MS4A3: variants seen among roughly 807,000 people sequenced by gnomAD.
The protein encoded by MS4A3 is membrane spanning 4-domains A3, also known as membrane-spanning 4-domains subfamily A member 3.
Under a neutral mutation model 24.7 loss-of-function variants are expected in MS4A3, and 18 were observed. That is an observed-to-expected ratio of 0.73 (90% CI 0.50 to 1.08). The LOEUF (loss-of-function observed/expected upper bound fraction) is 1.08. MS4A3 is among the 50% of genes least tolerant of loss of function. The pLI is 0.00. For missense variants in MS4A3, 282 were observed against 251.7 expected (o/e 1.12, Z -0.82); for synonymous variants, 84 against 95.3 (o/e 0.88, Z 0.69).
rs768045489 is a variant in MS4A3, at chr11:60,064,312, A to T, written c.345A>T (p.Arg115Ser). 1.2e-6 allele frequency: 2 copies of T among 1,601,586 alleles called. No individual in the cohort carries two copies. Residue 115 changes from arginine (R) to serine (S), a missense_variant, in exon 4 of 7, where the codon AGA (arginine) becomes AGT (serine). Coordinates refer to ENST00000278865, the MANE Select transcript of MS4A3 (RefSeq NM_006138.5). ...TTGTAGCAGGGATAAAACCCACAAG[A>T]ACATGGGTAAGTAGCACTTCCTCTT... ...LSVVAGIKPT[R>S]TWIQNSFGMN...
intron 5 of MS4A3, among the ~76,000 whole-genome samples, chr11:60,067,333 C>G (rs1249526820): frequency 6.6e-6 from 1 of 151,800 alleles, no homozygotes; most frequent in Non-Finnish European, 1.5e-5. Context: ...CCTGCCTCAG[C>G]CTCCCGAGTA....
chr11:60,070,168 C>T, intron 6 of MS4A3, 36 bp from the exon 7 acceptor site: 9 of 1,562,682 alleles, frequency 5.8e-6, no homozygotes, highest in Non-Finnish European at 7.9e-6. Flanking sequence ...AGATAATGAT[C>T]CTGTTCTTGG....
At chr11:60,067,472 C>T (rs1463317559) in intron 5 of MS4A3, among the ~76,000 whole-genome samples, 2 of 151,984 alleles carry the variant, frequency 1.3e-5, no homozygotes, top group Non-Finnish European at 2.9e-5. Context: ...GCCTCGGCCT[C>T]CCAAAGTGCT....
chr11:60,067,553 T>C (rs1002856067), intron 5 of MS4A3, among the ~76,000 whole-genome samples: 1 of 152,152 alleles, frequency 6.6e-6, no homozygotes, highest in Non-Finnish European at 1.5e-5. Context: ...ATTTGCTTTA[T>C]AATGAAGGGC....
chr11:60,060,479 T>A (rs968295346), intron 1 of MS4A3, among the ~76,000 whole-genome samples: 2 of 152,144 alleles, frequency 1.3e-5, no homozygotes, highest in African/African-American at 4.8e-5. Context: ...AACTCTACCA[T>A]GCTATGTTGG....
Position 60,069,559 on chromosome 11 carries a change from C to CATCAT in MS4A3, c.514-11_514-7dup, listed in dbSNP as rs1453242322. 1 of 1,576,682 alleles carries CATCAT rather than the reference C, an allele frequency of 6.3e-7. No individual in the cohort carries two copies. The highest frequency in any genetic ancestry group is 2.2e-5 in the East Asian group (1 of 44,576). ...TGTTGCCACTGGGTTTGATATAAGG[C>CATCAT]ATCATATCCCCTAGGGCATGGTGTC... On this transcript the variant is annotated splice_polypyrimidine_tract_variant and intron_variant, in intron 5 of 6. Transcript: ENST00000278865.
intron 3 of MS4A3, 101 bp downstream of exon 3, chr11:60,062,706 G>A: frequency 1.5e-6 from 2 of 1,318,216 alleles, no homozygotes; most frequent in Non-Finnish European, 2.0e-6. Context: ...TTGGAAGGTT[G>A]CATGCTGTGG....
At chr11:60,066,484 C>T (rs532973680) in intron 4 of MS4A3, among the ~76,000 whole-genome samples, 17 of 152,266 alleles carry the variant, frequency 1.1e-4, no homozygotes, top group East Asian at 1.9e-4. Flanking sequence ...GTGCCTCCAA[C>T]GCCCTTGACC....
At position 60,066,944 on chromosome 11, in the gene MS4A3, T is replaced by G. The variant is rs1212110893; in HGVS notation, c.352-7T>G. ...TATATTAATTGAAAATTCTTATTCT[T>G]TTTTAGATACAGAACAGTTTTGGAA... On this transcript the variant is annotated splice_polypyrimidine_tract_variant and splice_region_variant and intron_variant, in intron 4 of 6. Coordinates refer to ENST00000278865, the MANE Select transcript of MS4A3 (RefSeq NM_006138.5). 7.0e-6 allele frequency: 11 copies of G among 1,576,444 alleles called. No individual in the cohort carries two copies. Among genetic ancestry groups the G allele is most frequent in the Non-Finnish European group, 6.8e-6 (8 of 1,168,926 alleles).
At position 60,068,543 on chromosome 11, in the gene MS4A3, C is replaced by T. The variant is rs543522096; in HGVS notation, c.514-1031C>T. ...CTGGGATTACAGGCATGAGCCACCG[C>T]GCCCAGCCAACCTTACCAATTTTTT... On this transcript the variant is annotated intron_variant, in intron 5 of 6. Coordinates refer to ENST00000278865, the MANE Select transcript of MS4A3 (RefSeq NM_006138.5). 1.4e-3 allele frequency among the ~76,000 whole-genome samples: 217 copies of T among 151,952 alleles called. 4 individuals are homozygous for T. The highest frequency in any genetic ancestry group is 0.013 in the Admixed American group (202 of 15,278).
intron 5 of MS4A3, among the ~76,000 whole-genome samples, chr11:60,068,879 G>T (rs1009407959): frequency 2.0e-5 from 3 of 151,912 alleles, no homozygotes; most frequent in Non-Finnish European, 2.9e-5. Context: ...ACAGGCCCTG[G>T]TGTGTGATGT....
chr11:60,067,165 T>C, intron 5 of MS4A3, 53 bp downstream of exon 5: 1 of 1,401,480 alleles, frequency 7.1e-7, no homozygotes, highest in South Asian at 1.3e-5. Flanking sequence ...CAATCCAGGA[T>C]GTACAGAAAA....
chr11:60,063,998 TC>T (rs1294468435), intron 3 of MS4A3, among the ~76,000 whole-genome samples: 1 of 151,478 alleles, frequency 6.6e-6, no homozygotes. Context: ...CACCACCTGT[TC>T]CCCAATAACG....
intron 3 of MS4A3, among the ~76,000 whole-genome samples, chr11:60,063,717 G>A (rs547676722): frequency 2.7e-4 from 41 of 152,178 alleles, no homozygotes; most frequent in African/African-American, 7.9e-4. Flanking sequence ...TGGCTTCTTC[G>A]TCATTAAATC....
intron 3 of MS4A3, among the ~76,000 whole-genome samples, chr11:60,063,257 T>G (rs1421442081): frequency 6.6e-6 from 1 of 152,214 alleles, no homozygotes; most frequent in Admixed American, 6.5e-5. Context: ...CAGAGAGTCC[T>G]GGCTTGAGAG....
At chr11:60,062,098 A>C (rs1041748953) in intron 2 of MS4A3, among the ~76,000 whole-genome samples, 8 of 152,196 alleles carry the variant, frequency 5.3e-5, no homozygotes, top group African/African-American at 1.9e-4. Context: ...AGAAAGGCTG[A>C]GTAGGATATG....
intron 1 of MS4A3, among the ~76,000 whole-genome samples, chr11:60,058,289 C>T (rs867434269): frequency 1.3e-5 from 2 of 151,534 alleles, no homozygotes; most frequent in Non-Finnish European, 2.9e-5. Context: ...GGGTGGATCA[C>T]CTAGGTCAAG....
intron 3 of MS4A3, among the ~76,000 whole-genome samples, chr11:60,063,170 A>G (rs570000202): frequency 4.6e-5 from 7 of 152,328 alleles, no homozygotes; most frequent in African/African-American, 7.2e-5. Context: ...TATCTTATAT[A>G]TAACTATATG....
intron 1 of MS4A3, among the ~76,000 whole-genome samples, chr11:60,057,427 C>G (rs1855188991): frequency 6.6e-6 from 1 of 151,644 alleles, no homozygotes. Context: ...GAGAGAGAGA[C>G]AGAGTCTCGC....
Sources: allele counts gnomAD v4.1 joint callset (sites outside exome capture counted in the v4.1 genomes callset), GRCh38; gene constraint gnomAD v4.1.1; transcripts MANE v1.5; gene names NCBI Gene and HGNC (gene_info 2026-07-23, HGNC 2026-07-21).